Variants in RNF216 observed in about 807,000 individuals in gnomAD.
RNF216 encodes the protein ring finger protein 216, also known as E3 ubiquitin-protein ligase RNF216.
Under a neutral mutation model 110.8 loss-of-function variants are expected in RNF216, and 72 were observed. That is an observed-to-expected ratio of 0.65 (90% CI 0.54 to 0.79). The LOEUF (loss-of-function observed/expected upper bound fraction) is 0.79. RNF216 is among the 30% of genes least tolerant of loss of function. The probability of loss-of-function intolerance (pLI) is 0.00; values close to 1 mark genes in which losing one functional copy is unlikely to be tolerated. For missense variants in RNF216, 1,342 were observed against 1,141.2 expected, an observed-to-expected ratio of 1.18 and a Z score of -2.54; for synonymous variants, 495 against 407.5, an observed-to-expected ratio of 1.21 and a Z score of -2.59.
chr7:5,655,959 C>T (rs556483049), intron 13 of RNF216, among the ~76,000 whole-genome samples: 44 of 152,110 alleles, frequency 2.9e-4, no homozygotes, highest in African/African-American at 9.9e-4. Context: ...TGGGCTCAAG[C>T]GATCTCCCAC....
chr7:5,658,433 G>C (rs1471839784), intron 13 of RNF216, among the ~76,000 whole-genome samples: 1 of 152,098 alleles, frequency 6.6e-6, no homozygotes, highest in Non-Finnish European at 1.5e-5. Context: ...GATGTGGGCA[G>C]ATCACGTAAG....
At chr7:5,641,111 A>G (rs533575193) in intron 15 of RNF216, 43 bp downstream of exon 15, 7 of 1,409,002 alleles carry the variant, frequency 5.0e-6, no homozygotes, top group South Asian at 1.2e-5. Flanking sequence ...ATATATTTCT[A>G]TTTTCTCCCT....
intron 15 of RNF216, among the ~76,000 whole-genome samples, chr7:5,628,125 C>G (rs954487316): frequency 3.3e-5 from 5 of 152,144 alleles, no homozygotes; most frequent in Non-Finnish European, 7.4e-5. Context: ...ATAAAAGTGT[C>G]GCATCCTCAC....
At chr7:5,718,766 G>T (rs1793227942) in intron 9 of RNF216, among the ~76,000 whole-genome samples, 1 of 152,074 alleles carries the variant, frequency 6.6e-6, no homozygotes, top group Admixed American at 6.5e-5. Flanking sequence ...AGGCTGGTCT[G>T]TAACTCCTGA....
intron 7 of RNF216, 101 bp from the exon 8 acceptor site, chr7:5,725,539 T>C (rs1793697893): frequency 2.8e-6 from 2 of 719,058 alleles, no homozygotes; most frequent in African/African-American, 1.8e-5. Context: ...TTCAGCTGTC[T>C]ACCCAGCATG....
intron 1 of RNF216, among the ~76,000 whole-genome samples, chr7:5,768,548 G>A (rs1420587438): frequency 6.6e-6 from 1 of 151,942 alleles, no homozygotes; most frequent in Non-Finnish European, 1.5e-5. Flanking sequence ...TCACAAAACA[G>A]ACTGTATGCC....
chr7:5,692,185 G>A (rs1355542848), intron 13 of RNF216, among the ~76,000 whole-genome samples: 2 of 152,168 alleles, frequency 1.3e-5, no homozygotes, highest in Non-Finnish European at 2.9e-5. Context: ...ACTATGAATC[G>A]AGGCTGGCAG....
At chr7:5,746,702 T>C (rs1795048478) in intron 3 of RNF216, among the ~76,000 whole-genome samples, 1 of 152,234 alleles carries the variant, frequency 6.6e-6, no homozygotes, top group South Asian at 2.1e-4. Flanking sequence ...ATTGGAGTAC[T>C]CTGCCTTCTG....
chr7:5,735,591 A>G (rs1447629175), intron 5 of RNF216, among the ~76,000 whole-genome samples: 5 of 152,238 alleles, frequency 3.3e-5, no homozygotes, highest in Admixed American at 2.6e-4. Flanking sequence ...TTTGTGGGCT[A>G]AAAGAACACC....
In RNF216 at chr7:5,622,834, T is replaced by C. The variant is rs1786457882; in HGVS notation, c.*26A>G. On this transcript the variant is annotated 3_prime_UTR_variant, in exon 17 of 17. Coordinates refer to ENST00000389902, the MANE Select transcript of RNF216 (RefSeq NM_207111.4). The stretch of plus-strand genomic sequence containing the variant: ...ACACTCCTACCCCAAACGGGCTTTG[T>C]GCTGCTCAATGGGGATTCGGGGCCA... 6.4e-7 allele frequency: 1 copy of C among 1,571,222 alleles called. No homozygotes were observed. The highest frequency in any genetic ancestry group is 1.7e-5 in the Admixed American group (1 of 58,594).
chr7:5,733,229 C>G (rs1459242481), intron 5 of RNF216: 1 of 152,178 alleles, frequency 6.6e-6, no homozygotes, highest in Non-Finnish European at 1.5e-5. Context: ...TGAAAAGATG[C>G]AATACAATGA....
At chr7:5,725,571 C>G (rs1002033068) in intron 7 of RNF216, 133 bp from the exon 8 acceptor site, 1 of 635,748 alleles carries the variant, frequency 1.6e-6, no homozygotes, top group Non-Finnish European at 2.8e-6. Context: ...GTAGTGGCAG[C>G]TGGGTGCGGT....
chr7:5,776,812 A>C (rs117351094), intron 1 of RNF216, among the ~76,000 whole-genome samples: 3,569 of 149,520 alleles, frequency 0.024, 63 homozygotes, highest in Non-Finnish European at 0.035. Flanking sequence ...GAGGCACAAG[A>C]ATGGCTTGAA....
At chr7:5,755,581 T>A (rs936080983) in intron 2 of RNF216, among the ~76,000 whole-genome samples, 1 of 152,222 alleles carries the variant, frequency 6.6e-6, no homozygotes, top group East Asian at 1.9e-4. Flanking sequence ...TTTTTGAGTA[T>A]ATATTCTTCT....
intron 5 of RNF216, among the ~76,000 whole-genome samples, chr7:5,733,828 A>G (rs766670267): frequency 2.0e-5 from 3 of 152,216 alleles, no homozygotes; most frequent in Non-Finnish European, 2.9e-5. Flanking sequence ...AAATAACATC[A>G]TAACTCAGTA....
rs530656381 is a variant in RNF216, at chr7:5,638,537, C to T, written c.2382+2617G>A. ...TGCCAACAAATCTGAAAACTACCTA[C>T]CAGCAGCCAGGTACTATTTTCATTT... On this transcript the variant is annotated intron_variant, in intron 15 of 16. Coordinates refer to ENST00000389902, the MANE Select transcript of RNF216 (RefSeq NM_207111.4). Among the ~76,000 whole-genome samples the T allele has an allele frequency of 3.3e-5, 5 of 152,282 alleles. No individual in the cohort carries two copies. In the South Asian group the frequency reaches 6.2e-4, roughly 19 times the overall value.
intron 1 of RNF216, among the ~76,000 whole-genome samples, chr7:5,771,956 G>A (rs571599906): frequency 1.2e-4 from 19 of 152,196 alleles, no homozygotes; most frequent in African/African-American, 3.6e-4. Flanking sequence ...ACAAGGGGCC[G>A]GGCGTGGTGG....
At chr7:5,623,564 G>C (rs138137574) in intron 16 of RNF216, among the ~76,000 whole-genome samples, 380 of 151,884 alleles carry the variant, frequency 2.5e-3, no homozygotes, top group African/African-American at 8.5e-3. Context: ...CCTCCCGAGT[G>C]CTGGGATTGC....
chr7:5,752,785 G>A, intron 3 of RNF216, 61 bp downstream of exon 3: 1 of 1,571,340 alleles, frequency 6.4e-7, no homozygotes, highest in Non-Finnish European at 8.7e-7. Flanking sequence ...CACAAGAGTG[G>A]CTGAAAAATC....
Sources: gnomAD v4.1 joint callset for allele counts (sites outside exome capture counted in the v4.1 genomes callset) on GRCh38, gnomAD v4.1.1 for gene constraint, MANE v1.5 for transcripts, NCBI Gene and HGNC (gene_info 2026-07-23, HGNC 2026-07-21) for gene names.